The following PARP4 variants were observed in gnomAD, a reference collection of about 807,000 sequenced individuals.
PARP4 encodes poly(ADP-ribose) polymerase family member 4.
PARP4 carries 120 observed loss-of-function variants against 187.7 expected under a neutral mutation model. That is an observed-to-expected ratio of 0.64 (90% CI 0.55 to 0.74). The LOEUF is 0.74. Among genes scored for constraint, PARP4 ranks in the 30% least tolerant of loss-of-function variants. PARP4 has a pLI of 0.00. For synonymous variants in PARP4, 654 were observed against 740.9 expected, an observed-to-expected ratio of 0.88 and a Z score of 1.90; for missense variants, 1,836 against 2,070.5, an observed-to-expected ratio of 0.89 and a Z score of 2.20.
chr13:24,468,075 G>C (rs1872562609), intron 17 of PARP4, among the ~76,000 whole-genome samples: 1 of 152,162 alleles, frequency 6.6e-6, no homozygotes, highest in Admixed American at 6.5e-5. Context: ...ATGGCCATGT[G>C]TCACCCTCAG....
intron 21 of PARP4, among the ~76,000 whole-genome samples, chr13:24,455,517 TAA>T (rs1871789067): frequency 1.1e-5 from 1 of 93,414 alleles, no homozygotes; most frequent in African/African-American, 3.5e-5. Context: ...CACACTATTC[TAA>T]GAGGAATATA....
chr13:24,473,765 C>A (rs139272786), intron 15 of PARP4, among the ~76,000 whole-genome samples: 2 of 152,096 alleles, frequency 1.3e-5, no homozygotes, highest in Non-Finnish European at 2.9e-5. Flanking sequence ...AGGTCACCAA[C>A]AATCTCATTG....
At chr13:24,433,293 T>C (rs772667826) in intron 31 of PARP4, among the ~76,000 whole-genome samples, 2 of 152,212 alleles carry the variant, frequency 1.3e-5, no homozygotes, top group Non-Finnish European at 2.9e-5. Flanking sequence ...GGATTATCAA[T>C]AAATACCGTG....
At chr13:24,509,957 C>T (rs1869907464) in intron 1 of PARP4, among the ~76,000 whole-genome samples, 1 of 152,098 alleles carries the variant, frequency 6.6e-6, no homozygotes, top group African/African-American at 2.4e-5. Context: ...ACCTCTGCCT[C>T]CCAAAGTGCT....
Position 24,455,222 on chromosome 13 carries a change from G to T in PARP4, c.2563-10C>A. On this transcript the variant is annotated splice_polypyrimidine_tract_variant and intron_variant, in intron 21 of 33. Transcript: ENST00000381989. Reference sequence around the variant, plus strand: ...AGACAAGCATGCAAGCCTGAAAGGAGAAAGAAGGTGCTGGACTGGAGCTTC... The same window carrying T: ...AGACAAGCATGCAAGCCTGAAAGGATAAAGAAGGTGCTGGACTGGAGCTTC... The T allele has an allele frequency of 6.4e-7, 1 of 1,567,698 alleles. No individual in the cohort carries two copies. Among genetic ancestry groups the T allele is most frequent in the Admixed American group, 1.7e-5 (1 of 58,366 alleles).
In PARP4 at chr13:24,434,525, TG is replaced by T. The variant is rs1233003880; in HGVS notation, c.4615del (p.Gln1539LysfsTer2). 1 of 1,614,016 alleles carries T rather than the reference TG, an allele frequency of 6.2e-7. No homozygotes were observed. The highest frequency in any genetic ancestry group is 1.3e-5 in the African/African-American group (1 of 75,054). ...GTCATCTTTTGTATCACATTTTATT[TG>T]TAAAAAGCAGCTGTCTTGAAGTACT... is the stretch of plus-strand genomic sequence containing the variant. ...SEVLQDSCFL[Q>X]IKCDTKDDSI... On this transcript the variant is annotated frameshift_variant, in exon 31 of 34. Coordinates refer to ENST00000381989, the MANE Select transcript of PARP4 (RefSeq NM_006437.4). LOFTEE classifies it high-confidence loss of function.
At chr13:24,510,478 C>T (rs1278816446) in intron 1 of PARP4, among the ~76,000 whole-genome samples, 1 of 141,812 alleles carries the variant, frequency 7.1e-6, no homozygotes, top group Non-Finnish European at 1.5e-5. Context: ...GGCGTGAACC[C>T]GGGAGGCGGA....
intron 14 of PARP4, among the ~76,000 whole-genome samples, chr13:24,477,357 C>T (rs1384792228): frequency 5.9e-5 from 9 of 151,924 alleles, no homozygotes; most frequent in Non-Finnish European, 1.2e-4. Context: ...ACTCAGGAGG[C>T]TGAGTCAGGA....
Position 24,500,363 on chromosome 13 carries a change from T to C in PARP4, c.354A>G (p.Leu118=), listed in dbSNP as rs760502753. Residue 118 remains leucine, a synonymous_variant, in exon 4 of 34, where the codon CTA becomes CTG. Transcript: ENST00000381989. The part of the protein sequence containing the change: ...ASSSEVKTEG[L]CPDSATEEED... ...CCTCCTCTGTGGCACTGTCCGGGCA[T>C]AGACCTTCTGTTTTCACTTCTAGAA... 22 of 1,603,646 alleles carry C rather than the reference T, an allele frequency of 1.4e-5. No homozygotes were observed. The East Asian group carries it at 2.7e-4, about 20-fold the overall frequency.
intron 7 of PARP4, among the ~76,000 whole-genome samples, chr13:24,494,012 G>A (rs1053227917): frequency 6.6e-6 from 1 of 152,080 alleles, no homozygotes; most frequent in African/African-American, 2.4e-5. Flanking sequence ...AACACACGAA[G>A]TCAGGATTAA....
chr13:24,435,275 C>T lies in PARP4; in HGVS notation c.3866G>A (p.Trp1289Ter). The T allele has an allele frequency of 6.2e-7, 1 of 1,613,356 alleles. No individual in the cohort carries two copies. The highest frequency in any genetic ancestry group is 1.1e-5 in the South Asian group (1 of 91,028). Residue 1289 changes from tryptophan (W) to a stop codon, truncating the protein, a stop_gained, in exon 31 of 34, where the codon TGG becomes TAG. Transcript: ENST00000381989. LOFTEE classifies it high-confidence loss of function. ...GGVEKLLDLS[W>*]TESCKPTATE... ...TGCTGTTGGTTTACATGACTCTGTC[C>T]AACTTAAATCCAATAGCTTTTCCAC... is the stretch of plus-strand genomic sequence containing the variant.
At chr13:24,442,458 T>G in intron 29 of PARP4, 132 bp downstream of exon 29, 2 of 670,182 alleles carry the variant, frequency 3.0e-6, no homozygotes, top group East Asian at 2.7e-5. Flanking sequence ...TGGGGCCTGC[T>G]GACCTGTCTG....
chr13:24,486,336 T>A (rs1873554855), intron 10 of PARP4, 31 bp from the exon 11 acceptor site: 5 of 1,461,698 alleles, frequency 3.4e-6, no homozygotes, highest in Non-Finnish European at 4.7e-6. Context: ...GCCTTTAGAT[T>A]ACATAATTGG....
At chr13:24,506,622 T>C (rs960147959) in intron 1 of PARP4, among the ~76,000 whole-genome samples, 1 of 152,176 alleles carries the variant, frequency 6.6e-6, no homozygotes, top group African/African-American at 2.4e-5. Flanking sequence ...AACCTTGAGC[T>C]AGACACAGGG....
At chr13:24,485,495 T>C (rs921979631) in intron 11 of PARP4, among the ~76,000 whole-genome samples, 8 of 152,230 alleles carry the variant, frequency 5.3e-5, no homozygotes, top group Admixed American at 5.2e-4. Context: ...TTAATGGTTT[T>C]TTGGTTTTTT....
At chr13:24,452,203 T>C in intron 24 of PARP4, 1 of 505,694 alleles carries the variant, frequency 2.0e-6, no homozygotes, top group Non-Finnish European at 3.5e-6. Flanking sequence ...AGGAACTTGC[T>C]CAAGGTCACG....
chr13:24,508,257 C>T (rs943206872), intron 1 of PARP4, among the ~76,000 whole-genome samples: 5 of 152,124 alleles, frequency 3.3e-5, no homozygotes, highest in Non-Finnish European at 7.4e-5. Flanking sequence ...TAATTGCACC[C>T]CCACTTATGC....
At chr13:24,488,903 T>C (rs1161629567) in intron 10 of PARP4, among the ~76,000 whole-genome samples, 1 of 152,216 alleles carries the variant, frequency 6.6e-6, no homozygotes, top group Non-Finnish European at 1.5e-5. Flanking sequence ...ATAAACAGAA[T>C]CGTACAATAT....
At chr13:24,498,005 T>G (rs1869047684) in intron 6 of PARP4, 111 bp downstream of exon 6, 3 of 659,040 alleles carry the variant, frequency 4.6e-6, no homozygotes, top group Non-Finnish European at 7.9e-6. Flanking sequence ...AATAGCAGCC[T>G]GAGCTAAGAC....
Sources: gnomAD v4.1 joint callset for allele counts (sites outside exome capture counted in the v4.1 genomes callset) on GRCh38, gnomAD v4.1.1 for gene constraint, MANE v1.5 for transcripts, NCBI Gene and HGNC (gene_info 2026-07-23, HGNC 2026-07-21) for gene names.